The following FBXO24 variants were observed in gnomAD, a reference collection of about 807,000 sequenced individuals.
FBXO24 encodes F-box protein 24, also known as F-box only protein 24.
Under a neutral mutation model 63.5 loss-of-function variants are expected in FBXO24, and 30 were observed. That is an observed-to-expected ratio of 0.47 (90% CI 0.35 to 0.64). FBXO24 has a LOEUF of 0.64. Ranked by LOEUF, FBXO24 falls within the 30% of genes least tolerant of loss-of-function variation. The pLI is 0.00. For synonymous variants in FBXO24, 300 were observed against 305.0 expected (o/e 0.98, Z 0.17); for missense variants, 624 against 763.4 (o/e 0.82, Z 2.15).
chr7:100,597,104 C>G (rs776482889), intron 8 of FBXO24, among the ~76,000 whole-genome samples: 5 of 152,116 alleles, frequency 3.3e-5, no homozygotes, highest in Non-Finnish European at 5.9e-5. Context: ...TAGATTCTAC[C>G]TGGGAACATG....
In FBXO24 at chr7:100,594,635, C is replaced by G; in HGVS notation, c.952+94C>G. On this transcript the variant is annotated intron_variant, in intron 6 of 9. Coordinates refer to ENST00000241071, the MANE Select transcript of FBXO24 (RefSeq NM_033506.3). This position sits in a 1 kb window ranked among gnomAD's most constrained non-coding sequence, Gnocchi z 4.2. ...ACCCTTACTCCAGCTGCATGGTGAA[C>G]CCCTGAGGGCATCCTAGTGAAAAGA... 2 of 1,300,596 alleles carry G rather than the reference C, an allele frequency of 1.5e-6. No individual in the cohort carries two copies. Among genetic ancestry groups the G allele is most frequent in the Non-Finnish European group, 2.0e-6 (2 of 988,178 alleles). The allele number at this position is 1,300,596 out of a possible 1,614,324, so 80.6% of individuals were successfully genotyped here. A position where few individuals can be genotyped will look rare whatever the true frequency, so the allele number is the denominator to read the frequency against.
chr7:100,591,531 G>T, intron 3 of FBXO24, 136 bp from the exon 4 acceptor site: 1 of 701,914 alleles, frequency 1.4e-6, no homozygotes, highest in Non-Finnish European at 2.4e-6. Flanking sequence ...TCCTTCATAA[G>T]GGGTCTGTTT....
intron 8 of FBXO24, among the ~76,000 whole-genome samples, chr7:100,596,843 G>C (rs2131274696): frequency 6.6e-6 from 1 of 152,278 alleles, no homozygotes; most frequent in Non-Finnish European, 1.5e-5. Flanking sequence ...AGGAGCATGA[G>C]ATCAGCCTGG....
At chr7:100,591,255 T>A (rs1358927754) in intron 3 of FBXO24, among the ~76,000 whole-genome samples, 1 of 152,002 alleles carries the variant, frequency 6.6e-6, no homozygotes, top group Non-Finnish European at 1.5e-5. Context: ...CAGGCTGGTC[T>A]CAAACTCCTG....
chr7:100,590,123 A>C (rs759835895), intron 2 of FBXO24, 48 bp downstream of exon 2: 1 of 1,607,440 alleles, frequency 6.2e-7, no homozygotes, highest in South Asian at 1.1e-5. Context: ...TGGGGGCCAG[A>C]TCACCGAGGG....
chr7:100,589,924 G>T, intron 1 of FBXO24, 53 bp from the exon 2 acceptor site: 1 of 1,578,198 alleles, frequency 6.3e-7, no homozygotes, highest in South Asian at 1.2e-5. Flanking sequence ...CGGAGAGAAG[G>T]GAAAAAAGGA....
intron 8 of FBXO24, chr7:100,599,567 C>CA (rs559340460): frequency 0.046 from 4,735 of 103,994 alleles, 190 homozygotes; most frequent in African/African-American, 0.15. Context: ...CTGTCTCAAA[C>CA]AAAAAAAAAA....
rs1802089911 is a variant in FBXO24, at chr7:100,592,712, A to G, written c.559-71A>G. The G allele has an allele frequency of 2.5e-6, 3 of 1,219,132 alleles. No individual in the cohort carries two copies. In the Admixed American group the frequency reaches 5.9e-5, roughly 24 times the overall value. 75.5% of individuals were successfully genotyped at this position (1,219,132 alleles called of 1,614,324 possible). A position where few individuals can be genotyped will look rare whatever the true frequency, so the allele number is the denominator to read the frequency against. On this transcript the variant is annotated intron_variant, in intron 4 of 9. Transcript: ENST00000241071. ...ACCCAAGCATTTCACTTCCCACCCCAGGATCCAGCTGCCCCAGCCCCATCC... is the reference window on the plus strand; with the variant it reads ...ACCCAAGCATTTCACTTCCCACCCCGGGATCCAGCTGCCCCAGCCCCATCC...
In FBXO24 at chr7:100,591,694, T is replaced by A; in HGVS notation, c.350T>A (p.Phe117Tyr). 3.1e-6 allele frequency: 5 copies of A among 1,614,192 alleles called. No individual in the cohort carries two copies. The highest frequency in any genetic ancestry group is 4.2e-6 in the Non-Finnish European group (5 of 1,180,018). Reference protein sequence around the residue: ...NYTKGLYFQAFGGRRRCLSKS... With the variant: ...NYTKGLYFQAYGGRRRCLSKS... ...ACGAAGGGCCTGTATTTCCAGGCAT[T>A]TGGAGGCCGCCGCCGATGTCTCAGC... The change falls in exon 4 of 10, where the codon TTT becomes TAT. Residue 117 changes from phenylalanine (F) to tyrosine (Y), a missense_variant. This residue lies in a region of FBXO24 where 391 missense variants were observed against 469.1 expected (regional missense o/e 0.83). Coordinates refer to ENST00000241071, the MANE Select transcript of FBXO24 (RefSeq NM_033506.3).
At position 100,594,520 on chromosome 7, in the gene FBXO24, A is replaced by G; in HGVS notation, c.931A>G (p.Ser311Gly). ...CGTGGCCTGCATGACTTCCAACCAG[A>G]GCAGCACCCTCTACGTCACAGGTAT... ...LRVACMTSNQ[S>G]STLYVTDQGG... The change falls in exon 6 of 10, where the codon AGC becomes GGC. Residue 311 changes from serine to glycine, a missense_variant. Coordinates refer to ENST00000241071, the MANE Select transcript of FBXO24 (RefSeq NM_033506.3). This position sits in a 1 kb window ranked among gnomAD's most constrained non-coding sequence, Gnocchi z 4.2. 6.2e-7 allele frequency: 1 copy of G among 1,608,554 alleles called. No individual in the cohort carries two copies. The highest frequency in any genetic ancestry group is 8.5e-7 in the Non-Finnish European group (1 of 1,177,290).
chr7:100,592,605 C>T (rs1802085449), intron 4 of FBXO24, among the ~76,000 whole-genome samples, 178 bp from the exon 5 acceptor site: 1 of 152,082 alleles, frequency 6.6e-6, no homozygotes, highest in South Asian at 2.1e-4. Context: ...CCCAGGCCCC[C>T]ATCAGTCTTG....
intron 5 of FBXO24, 133 bp downstream of exon 5, chr7:100,593,150 T>C: frequency 1.5e-6 from 1 of 649,906 alleles, no homozygotes; most frequent in Non-Finnish European, 2.7e-6. Flanking sequence ...TCTAAACAGC[T>C]CTGCCCTTCT....
intron 1 of FBXO24, chr7:100,589,630 AG>A: frequency 6.8e-7 from 1 of 1,475,564 alleles, no homozygotes; most frequent in South Asian, 1.3e-5. Context: ...CCCCAAGCCT[AG>A]GCTGGGGACA....
chr7:100,600,697 G>A lies in FBXO24; in HGVS notation c.1541G>A (p.Gly514Glu), dbSNP rs774002877. The change falls in exon 10 of 10, where the codon GGG becomes GAG. Residue 514 changes from glycine to glutamate, a missense_variant. Transcript: ENST00000241071. The surrounding 1 kb of genome is among the most constrained non-coding windows in gnomAD (Gnocchi z 6.3). The stretch of plus-strand genomic sequence containing the variant: ...GCCAGAGCACCCCAGGACCCCGGGG[G>A]GATGGCCCAGGCCTGCGAGGAGTAC... The part of the protein sequence containing the change: ...LGARAPQDPG[G>E]MAQACEEYLS... 6.2e-7 allele frequency: 1 copy of A among 1,614,190 alleles called. No individual in the cohort carries two copies. Among genetic ancestry groups the A allele is most frequent in the Non-Finnish European group, 8.5e-7 (1 of 1,180,006 alleles).
intron 4 of FBXO24, 105 bp downstream of exon 4, chr7:100,592,007 T>G: frequency 8.8e-7 from 1 of 1,140,830 alleles, no homozygotes; most frequent in Non-Finnish European, 1.3e-6. Context: ...ACACCTGTAA[T>G]CCTAGCACTT....
intron 8 of FBXO24, 72 bp downstream of exon 8, chr7:100,595,778 TTC>T: frequency 6.7e-7 from 1 of 1,488,452 alleles, no homozygotes; most frequent in Non-Finnish European, 9.0e-7. Flanking sequence ...ATCTGTCCAC[TTC>T]TCCAGATTCC....
intron 8 of FBXO24, 142 bp downstream of exon 8, chr7:100,595,848 G>A (rs1172102858): frequency 6.8e-6 from 8 of 1,171,106 alleles, no homozygotes; most frequent in Non-Finnish European, 8.3e-6. Flanking sequence ...TAATGCCAGT[G>A]GTACTACCCC....
At chr7:100,596,186 G>A (rs1208267152) in intron 8 of FBXO24, among the ~76,000 whole-genome samples, 3 of 152,234 alleles carry the variant, frequency 2.0e-5, no homozygotes, top group South Asian at 2.1e-4. Flanking sequence ...GGTTGAGGCA[G>A]GAGATTCTCT....
intron 8 of FBXO24, among the ~76,000 whole-genome samples, chr7:100,597,120 A>G (rs1272243558): frequency 6.6e-6 from 1 of 152,212 alleles, no homozygotes; most frequent in Admixed American, 6.5e-5. Context: ...ACATGGTTGA[A>G]CAAACAGAAG....
Sources: allele counts gnomAD v4.1 joint callset (sites outside exome capture counted in the v4.1 genomes callset), GRCh38; gene constraint gnomAD v4.1.1; regional missense constraint gnomAD v4.1.1; non-coding constraint Gnocchi (gnomAD v3.1); transcripts MANE v1.5; gene names NCBI Gene and HGNC (gene_info 2026-07-23, HGNC 2026-07-21).